Variants in PGM5 observed in about 807,000 individuals in gnomAD.
PGM5 encodes the protein phosphoglucomutase 5, also known as phosphoglucomutase-like protein 5.
PGM5 carries 23 observed loss-of-function variants against 59.2 expected under a neutral mutation model. The observed-to-expected ratio is 0.39, with a 90% confidence interval of 0.28 to 0.55. The LOEUF (loss-of-function observed/expected upper bound fraction) is 0.55. Ranked by LOEUF, PGM5 falls within the 20% of genes least tolerant of loss-of-function variation. The probability of loss-of-function intolerance (pLI) is 0.66; values close to 1 mark genes in which losing one functional copy is unlikely to be tolerated. For synonymous variants in PGM5, 214 were observed against 286.0 expected (o/e 0.75, Z 2.54); for missense variants, 574 against 748.3 (o/e 0.77, Z 2.72).
intron 3 of PGM5, among the ~76,000 whole-genome samples, chr9:68,385,222 T>C (rs1554678757): frequency 6.8e-6 from 1 of 147,902 alleles, no homozygotes; most frequent in Non-Finnish European, 1.5e-5. Context: ...ATTAATAACA[T>C]GTATGTATAC....
chr9:68,492,518 T>C (rs1391924981), intron 9 of PGM5, among the ~76,000 whole-genome samples: 3 of 152,208 alleles, frequency 2.0e-5, no homozygotes, highest in African/African-American at 7.2e-5. Context: ...GGGTGAGAAC[T>C]GCTCCCAAGA....
intron 7 of PGM5, among the ~76,000 whole-genome samples, chr9:68,474,312 A>AT (rs1205045124): frequency 3.9e-5 from 6 of 152,284 alleles, no homozygotes; most frequent in African/African-American, 1.4e-4. Context: ...GAATTTCCTT[A>AT]TCTGAGTTTC....
chr9:68,385,811 A>G (rs1822203645), intron 3 of PGM5, among the ~76,000 whole-genome samples: 1 of 152,038 alleles, frequency 6.6e-6, no homozygotes, highest in Non-Finnish European at 1.5e-5. Flanking sequence ...CTGCAGCCAC[A>G]TTGCTAGTTG....
At chr9:68,452,909 G>A (rs1258260655) in intron 6 of PGM5, among the ~76,000 whole-genome samples, 1 of 152,212 alleles carries the variant, frequency 6.6e-6, no homozygotes, top group Admixed American at 6.5e-5. Context: ...AATCCTTGAT[G>A]TGAGTTAAAA....
intron 6 of PGM5, among the ~76,000 whole-genome samples, chr9:68,433,131 CT>C (rs1823382626): frequency 6.6e-6 from 1 of 152,114 alleles, no homozygotes. Context: ...AAAGAGTGTG[CT>C]TTCAAATTTT....
At chr9:68,466,995 G>A (rs570676684) in intron 7 of PGM5, among the ~76,000 whole-genome samples, 42 of 152,226 alleles carry the variant, frequency 2.8e-4, no homozygotes, top group African/African-American at 9.1e-4. Context: ...CTGGACCTGG[G>A]GATGAGAAGG....
chr9:68,371,889 G>A (rs541239099), intron 1 of PGM5, among the ~76,000 whole-genome samples: 10 of 152,210 alleles, frequency 6.6e-5, no homozygotes, highest in Non-Finnish European at 1.3e-4. Context: ...AGACTGGAGT[G>A]ATGTGAACAC....
chr9:68,371,115 A>G (rs1195395970), intron 1 of PGM5, among the ~76,000 whole-genome samples: 1 of 152,102 alleles, frequency 6.6e-6, no homozygotes, highest in Non-Finnish European at 1.5e-5. Flanking sequence ...TGGGAGTTGA[A>G]GGAAATGCCC....
Position 68,458,068 on chromosome 9 carries a change from G to A in PGM5, c.1044-7025G>A, listed in dbSNP as rs74930010. Among the ~76,000 whole-genome samples, 749 of 152,280 alleles carry A rather than the reference G, an allele frequency of 4.9e-3. 6 individuals carry two copies. The highest frequency in any genetic ancestry group is 0.013 in the South Asian group (65 of 4,822). On this transcript the variant is annotated intron_variant, in intron 6 of 10. Coordinates refer to ENST00000396396, the MANE Select transcript of PGM5 (RefSeq NM_021965.4). ...AGCCAGGAACAGCTTACATTAAAGT[G>A]CTCAAGCATCAAGGCTGTAAACACA...
At chr9:68,508,129 C>T (rs1314174587) in intron 10 of PGM5, among the ~76,000 whole-genome samples, 7 of 152,180 alleles carry the variant, frequency 4.6e-5, no homozygotes, top group African/African-American at 1.7e-4. Flanking sequence ...GGACTGCCAC[C>T]GTGAACCACT....
At chr9:68,529,340 CT>C (rs891949026) in intron 10 of PGM5, among the ~76,000 whole-genome samples, 4 of 152,068 alleles carry the variant, frequency 2.6e-5, no homozygotes, top group Non-Finnish European at 5.9e-5. Flanking sequence ...AGATAAATTT[CT>C]TTTGAAGCTG....
intron 9 of PGM5, chr9:68,497,561 A>C (rs1554688263): frequency 6.6e-6 from 1 of 152,222 alleles, no homozygotes; most frequent in African/African-American, 2.4e-5. Flanking sequence ...CTCCCAGCAG[A>C]TATCACCAGA....
Position 68,357,044 on chromosome 9 carries a change from C to A in PGM5, c.-84C>A, listed in dbSNP as rs1834461887. ...CCGGGCGCGAGGCGGAGTCCCGGCGCGCAGCCAGGCTGGTGGAGGCCCCCG... is the reference window on the plus strand; with the variant it reads ...CCGGGCGCGAGGCGGAGTCCCGGCGAGCAGCCAGGCTGGTGGAGGCCCCCG... On this transcript the variant is annotated 5_prime_UTR_variant, in exon 1 of 11. Coordinates refer to ENST00000396396, the MANE Select transcript of PGM5 (RefSeq NM_021965.4). 81 of 1,326,964 alleles carry A rather than the reference C, an allele frequency of 6.1e-5. No individual in the cohort carries two copies. In the South Asian group the frequency reaches 1.3e-3, roughly 21 times the overall value. 82.2% of individuals were successfully genotyped at this position (1,326,964 alleles called of 1,614,324 possible). A position where few individuals can be genotyped will look rare whatever the true frequency, so the allele number is the denominator to read the frequency against.
intron 6 of PGM5, among the ~76,000 whole-genome samples, chr9:68,434,316 CAAAAAA>C (rs71353054): frequency 6.6e-5 from 6 of 90,830 alleles, no homozygotes; most frequent in African/African-American, 1.2e-4. Context: ...GACTCCGTCT[CAAAAAA>C]AAAAAAAAAA....
intron 7 of PGM5, among the ~76,000 whole-genome samples, chr9:68,477,808 G>C (rs1006459354): frequency 1.3e-5 from 2 of 152,202 alleles, no homozygotes; most frequent in Non-Finnish European, 2.9e-5. Flanking sequence ...TAACCCCATG[G>C]GGTAGGGGCT....
At chr9:68,527,361 T>A (rs940451645) in intron 10 of PGM5, among the ~76,000 whole-genome samples, 6 of 152,240 alleles carry the variant, frequency 3.9e-5, no homozygotes, top group African/African-American at 1.4e-4. Flanking sequence ...GCTAAAGTGA[T>A]TGAGTTTAAC....
chr9:68,358,729 GT>G (rs1387723436), intron 1 of PGM5, among the ~76,000 whole-genome samples: 3 of 151,916 alleles, frequency 2.0e-5, no homozygotes, highest in African/African-American at 7.3e-5. Context: ...CCTTCTCGGT[GT>G]TGCAGGGATG....
At chr9:68,400,275 G>A (rs1303338659) in intron 6 of PGM5, among the ~76,000 whole-genome samples, 1 of 152,036 alleles carries the variant, frequency 6.6e-6, no homozygotes, top group Non-Finnish European at 1.5e-5. Flanking sequence ...CCTGATTATA[G>A]AACACGCATA....
intron 6 of PGM5, among the ~76,000 whole-genome samples, chr9:68,464,754 G>T (rs1823907331): frequency 6.6e-6 from 1 of 152,114 alleles, no homozygotes; most frequent in South Asian, 2.1e-4. Flanking sequence ...AAGTGTTTAT[G>T]CCCAAATACC....
Sources: gnomAD v4.1 joint callset for allele counts (sites outside exome capture counted in the v4.1 genomes callset) on GRCh38, gnomAD v4.1.1 for gene constraint, MANE v1.5 for transcripts, NCBI Gene and HGNC (gene_info 2026-07-23, HGNC 2026-07-21) for gene names.